The following MICAL2 variants were observed in gnomAD, a reference collection of about 807,000 sequenced individuals.
MICAL2 encodes [F-actin]-monooxygenase MICAL2.
A neutral mutation model predicts 127.3 loss-of-function variants in MICAL2; 77 were observed. That is an observed-to-expected ratio of 0.60 (90% CI 0.50 to 0.73). The LOEUF is 0.73. MICAL2 is among the 30% of genes least tolerant of loss of function. The pLI, the probability that MICAL2 is intolerant of heterozygous loss-of-function variation, is 0.00. For synonymous variants in MICAL2, 570 were observed against 551.1 expected, an observed-to-expected ratio of 1.03 and a Z score of -0.48; for missense variants, 1,351 against 1,434.4, an observed-to-expected ratio of 0.94 and a Z score of 0.94.
chr11:12,339,162 T>C (rs1327798676), intron 32 of MICAL2, among the ~76,000 whole-genome samples: 1 of 152,230 alleles, frequency 6.6e-6, no homozygotes, highest in South Asian at 2.1e-4. Flanking sequence ...TTCTTTTTAC[T>C]CTTTTTTCTC....
At chr11:12,287,731 G>A (rs1863844252), downstream of MICAL2, among the ~76,000 whole-genome samples, 1 of 152,216 alleles carries the variant, frequency 6.6e-6, no homozygotes, top group Non-Finnish European at 1.5e-5. Context: ...AGGTGCTGAG[G>A]CGGCAGGCCC....
At chr11:12,123,708 G>A (rs547864656) in intron 1 of MICAL2, among the ~76,000 whole-genome samples, 1 of 152,200 alleles carries the variant, frequency 6.6e-6, no homozygotes, top group South Asian at 2.1e-4. Context: ...TGGGAAAAAT[G>A]CATTTCTGAT....
At chr11:12,176,970 G>A (rs762594502) in intron 3 of MICAL2, among the ~76,000 whole-genome samples, 24 of 152,084 alleles carry the variant, frequency 1.6e-4, no homozygotes, top group African/African-American at 5.1e-4. Flanking sequence ...ATGGATATAC[G>A]TATCTATTTC....
At position 12,209,599 on chromosome 11, in the gene MICAL2, G is replaced by A; in HGVS notation, c.691+1G>A. ...GATGGCCGCAGGAACACCCTGGAAGGTGAAGACTCTTCTTCTTGGTGTGGG... is the reference window on the plus strand; with the variant it reads ...GATGGCCGCAGGAACACCCTGGAAGATGAAGACTCTTCTTCTTGGTGTGGG... On this transcript the variant is annotated splice_donor_variant, in intron 6 of 27. Transcript: ENST00000683283. LOFTEE classifies it high-confidence loss of function. 6.2e-7 allele frequency: 1 copy of A among 1,610,942 alleles called. No homozygotes were observed. Among genetic ancestry groups the A allele is most frequent in the South Asian group, 1.1e-5 (1 of 91,014 alleles).
At chr11:12,222,524 T>C in intron 10 of MICAL2, 93 bp from the exon 11 acceptor site, 1 of 1,538,208 alleles carries the variant, frequency 6.5e-7, no homozygotes, top group East Asian at 2.3e-5. Context: ...CAGGAAGCCC[T>C]TGAGCCAGAG....
intron 15 of MICAL2, among the ~76,000 whole-genome samples, chr11:12,230,354 T>A (rs1858074101): frequency 6.6e-6 from 1 of 152,138 alleles, no homozygotes; most frequent in Non-Finnish European, 1.5e-5. Context: ...AAAGGCTCCC[T>A]CACATTTACA....
At chr11:12,328,863 A>C (rs1864383098) in intron 32 of MICAL2, among the ~76,000 whole-genome samples, 1 of 152,156 alleles carries the variant, frequency 6.6e-6, no homozygotes, top group African/African-American at 2.4e-5. Context: ...AGTTCATGCA[A>C]AGTCATGCAT....
At chr11:12,139,608 A>C (rs1006584360) in intron 2 of MICAL2, among the ~76,000 whole-genome samples, 6 of 152,290 alleles carry the variant, frequency 3.9e-5, no homozygotes, top group South Asian at 2.1e-4. Context: ...CAGGATGACA[A>C]GGGGTTGACT....
chr11:12,220,230 T>C lies in MICAL2; in HGVS notation c.978T>C (p.Cys326=). ...ACATCGACACAGAGATGCTGCTGTG[T>C]GCGGAGAACGTGAACCAAGACAACC... ...NDYIDTEMLL[C]AENVNQDNLL... The change falls in exon 9 of 28, where the codon TGT becomes TGC. Residue 326 remains cysteine (C), a synonymous_variant. Transcript: ENST00000683283. 1 of 1,614,158 alleles carries C rather than the reference T, an allele frequency of 6.2e-7. No homozygotes were observed. The highest frequency in any genetic ancestry group is 8.5e-7 in the Non-Finnish European group (1 of 1,180,032).
intron 26 of MICAL2, 98 bp from the exon 27 acceptor site, chr11:12,262,382 G>A (rs1007385553): frequency 3.2e-5 from 51 of 1,585,904 alleles, no homozygotes; most frequent in African/African-American, 1.2e-4. Flanking sequence ...TTTCAACTCC[G>A]GTGCCTTCTC....
At chr11:12,228,706 A>G (rs1158288412) in intron 15 of MICAL2, among the ~76,000 whole-genome samples, 2 of 152,190 alleles carry the variant, frequency 1.3e-5, no homozygotes, top group Admixed American at 6.5e-5. Context: ...GAGCGCTTCT[A>G]CGGGATGGGC....
rs190226417 is a variant in MICAL2, at chr11:12,160,172, A to T, written c.-77-1907A>T. ...AGTTGCAGGGATCCTGTCACCCCCAAGTCTGGGCATCCAGTGTCTGAGACC... is the reference window on the plus strand; with the variant it reads ...AGTTGCAGGGATCCTGTCACCCCCATGTCTGGGCATCCAGTGTCTGAGACC... On this transcript the variant is annotated intron_variant, in intron 2 of 27. Transcript: ENST00000683283. Among the ~76,000 whole-genome samples, 46 of 152,104 alleles carry T rather than the reference A, an allele frequency of 3.0e-4. 2 individuals are homozygous for T. In the East Asian group the frequency reaches 6.6e-3, roughly 22 times the overall value.
intron 23 of MICAL2, chr11:12,256,422 C>T (rs1199782887): frequency 5.5e-6 from 1 of 180,890 alleles, no homozygotes; most frequent in Non-Finnish European, 1.2e-5. Context: ...CACTTAATCC[C>T]AAGGACAGAT....
intron 32 of MICAL2, among the ~76,000 whole-genome samples, chr11:12,338,530 A>G (rs1590744269): frequency 1.3e-5 from 2 of 152,120 alleles, no homozygotes; most frequent in Non-Finnish European, 2.9e-5. Context: ...TCGTTAGTTG[A>G]TGCGGTTTCT....
At chr11:12,285,238 AC>A (rs1863812301) in intron 2 of MICAL2, among the ~76,000 whole-genome samples, 1 of 151,272 alleles carries the variant, frequency 6.6e-6, no homozygotes, top group Non-Finnish European at 1.5e-5. Context: ...TGCCAGTTGA[AC>A]CTCTGAGCGC....
intron 3 of MICAL2, among the ~76,000 whole-genome samples, chr11:12,191,090 C>G (rs147184078): frequency 1.3e-5 from 2 of 152,180 alleles, no homozygotes; most frequent in Admixed American, 6.5e-5. Flanking sequence ...TCTGGGGATA[C>G]AGCTATGAAT....
At chr11:12,293,409 T>TA, downstream of MICAL2, 1 of 1,028,734 alleles carries the variant, frequency 9.7e-7, no homozygotes, top group South Asian at 1.7e-5. Flanking sequence ...AGTATCCCTT[T>TA]AAAATCATCT....
At chr11:12,281,105 CAG>C in intron 2 of MICAL2, 1 of 398,944 alleles carries the variant, frequency 2.5e-6, no homozygotes, top group Non-Finnish European at 4.4e-6. Context: ...GCACGGTAAG[CAG>C]AGAGCCCACC....
intron 2 of MICAL2, among the ~76,000 whole-genome samples, chr11:12,151,020 GT>G (rs1270923183): frequency 6.6e-6 from 1 of 152,088 alleles, no homozygotes; most frequent in Non-Finnish European, 1.5e-5. Flanking sequence ...GGAACCCTAT[GT>G]TGTTTATGAC....
Sources: gnomAD v4.1 joint callset for allele counts (sites outside exome capture counted in the v4.1 genomes callset) on GRCh38, gnomAD v4.1.1 for gene constraint, MANE v1.5 for transcripts, NCBI Gene and HGNC (gene_info 2026-07-23, HGNC 2026-07-21) for gene names.